TJP2: variants seen among roughly 807,000 people sequenced by gnomAD.
The protein encoded by TJP2 is tight junction protein 2.
Under a neutral mutation model 133.1 loss-of-function variants are expected in TJP2, and 91 were observed. The observed-to-expected ratio is 0.68, with a 90% CI of 0.58 to 0.81. TJP2 has a LOEUF of 0.81. TJP2 is among the 40% of genes least tolerant of loss of function. TJP2 has a pLI of 0.00. For synonymous variants in TJP2, 592 were observed against 583.4 expected, an observed-to-expected ratio of 1.01 and a Z score of -0.21; for missense variants, 1,541 against 1,565.6, an observed-to-expected ratio of 0.98 and a Z score of 0.26.
exon 2 of TJP2, chr9:69,151,665 C>T (rs900206397): frequency 8.9e-6 from 11 of 1,231,970 alleles, no homozygotes; most frequent in African/African-American, 1.6e-5. Flanking sequence ...CGAAGTACCA[C>T]ATTACTGTCA....
At chr9:69,193,927 T>C (rs528226906) in intron 1 of TJP2, among the ~76,000 whole-genome samples, 1 of 152,254 alleles carries the variant, frequency 6.6e-6, no homozygotes, top group South Asian at 2.1e-4. Flanking sequence ...GTCATTGTGC[T>C]AAGTATACCA....
chr9:69,183,354 A>G (rs1439971070), intron 1 of TJP2, among the ~76,000 whole-genome samples: 1 of 152,124 alleles, frequency 6.6e-6, no homozygotes, highest in African/African-American at 2.4e-5. Flanking sequence ...ACACCTACCT[A>G]AAAGAGAACT....
intron 1 of TJP2, among the ~76,000 whole-genome samples, chr9:69,179,036 G>A (rs537900742): frequency 2.0e-4 from 31 of 151,248 alleles, no homozygotes; most frequent in South Asian, 1.0e-3. Flanking sequence ...AAGGATTTTC[G>A]TAGGAACAGG....
In TJP2 at chr9:69,176,311, A is replaced by ACG. The variant is rs1414249302; in HGVS notation, c.60+1880_60+1881dup. 2.6e-5 allele frequency among the ~76,000 whole-genome samples: 4 copies of ACG among 152,014 alleles called. No homozygotes were observed. In the East Asian group the frequency reaches 7.7e-4, roughly 29 times the overall value. ...GAGTACAAGGCATGTGGTGGATGCTACGTAAATGGTGGTAGCTAGTAATAG... is the reference window on the plus strand; with the variant it reads ...GAGTACAAGGCATGTGGTGGATGCTACGCGTAAATGGTGGTAGCTAGTAATAG... On this transcript the variant is annotated intron_variant, in intron 1 of 22. Coordinates refer to ENST00000377245, the MANE Select transcript of TJP2 (RefSeq NM_004817.4).
intron 2 of TJP2, among the ~76,000 whole-genome samples, chr9:69,167,598 G>A (rs937750128): frequency 6.6e-6 from 1 of 152,188 alleles, no homozygotes; most frequent in Non-Finnish European, 1.5e-5. Context: ...GGTGGCTCAC[G>A]TCTGTAATCC....
intron 20 of TJP2, 139 bp from the exon 21 acceptor site, chr9:69,250,896 G>A: frequency 1.1e-6 from 1 of 934,904 alleles, no homozygotes; most frequent in South Asian, 1.3e-5. Flanking sequence ...TTGCCCTGCT[G>A]TATTACATTC....
At position 69,154,782 on chromosome 9, in the gene TJP2, T is replaced by TA. The variant is rs904337872; in HGVS notation, c.-10+3018dup. Among the ~76,000 whole-genome samples the TA allele has an allele frequency of 3.3e-5, 5 of 151,362 alleles. No homozygotes were observed. In the East Asian group the frequency reaches 7.8e-4, roughly 24 times the overall value. On this transcript the variant is annotated intron_variant, in intron 2 of 5. Transcript: ENST00000423935. ...TCTTTTTCAATTTTATAATTTTATA[T>TA]AAAAAAATTAATAAATAAAAATTAA...
At chr9:69,248,970 C>CA (rs56986564) in intron 19 of TJP2, 14,715 of 898,844 alleles carry the variant, frequency 0.016, 1 homozygote, top group East Asian at 0.025. Context: ...ATAGAACTAC[C>CA]AAAAAAAAAA....
intron 1 of TJP2, among the ~76,000 whole-genome samples, chr9:69,196,946 T>TACACACACAC (rs746386691): frequency 0.038 from 5,138 of 134,130 alleles, 101 homozygotes; most frequent in Middle Eastern, 0.047. Context: ...TGTGTGTGTG[T>TACACACACAC]ACACACACAC....
At chr9:69,195,014 C>T (rs975948827) in intron 1 of TJP2, among the ~76,000 whole-genome samples, 1 of 152,214 alleles carries the variant, frequency 6.6e-6, no homozygotes, top group East Asian at 1.9e-4. Flanking sequence ...GAACCATCAT[C>T]TGATGGTGCC....
chr9:69,155,187 C>G (rs1416616190), intron 2 of TJP2, among the ~76,000 whole-genome samples: 1 of 147,820 alleles, frequency 6.8e-6, no homozygotes, highest in Non-Finnish European at 1.5e-5. Flanking sequence ...CCACTTCACT[C>G]CAGCCTGGGT....
chr9:69,233,165 G>T (rs1286411699), intron 11 of TJP2, among the ~76,000 whole-genome samples: 1 of 152,150 alleles, frequency 6.6e-6, no homozygotes, highest in African/African-American at 2.4e-5. Flanking sequence ...TGTTTCAAAG[G>T]AAAAATTAAC....
At chr9:69,176,397 A>T (rs1825091463) in intron 1 of TJP2, among the ~76,000 whole-genome samples, 1 of 152,202 alleles carries the variant, frequency 6.6e-6, no homozygotes, top group Admixed American at 6.5e-5. Context: ...GGGAGGTGAG[A>T]TCTAAAGATA....
intron 1 of TJP2, among the ~76,000 whole-genome samples, chr9:69,143,400 C>T (rs924252868): frequency 6.6e-6 from 1 of 152,116 alleles, no homozygotes; most frequent in Non-Finnish European, 1.5e-5. Flanking sequence ...TTTTATCATG[C>T]GTCATCAGAA....
Position 69,130,015 on chromosome 9 carries a change from C to CA in TJP2, c.-131+8307dup, listed in dbSNP as rs11355311. ...GGGGGACAAGAGCGAAACTCTGCCTCAAAAAAAAAAAAAAAAAGAAAAAGA... is the reference window on the plus strand; with the variant it reads ...GGGGGACAAGAGCGAAACTCTGCCTCAAAAAAAAAAAAAAAAAAGAAAAAGA... On this transcript the variant is annotated intron_variant, in intron 1 of 5. Coordinates refer to the TJP2 transcript ENST00000423935. 1.5e-3 allele frequency among the ~76,000 whole-genome samples: 140 copies of CA among 94,134 alleles called. 2 individuals carry two copies. Among genetic ancestry groups the CA allele is most frequent in the Middle Eastern group, 4.6e-3 (1 of 216 alleles). The allele number at this position is 94,134 out of a possible 152,430, so 61.8% of individuals were successfully genotyped here.
chr9:69,174,887 G>A (rs939230664), intron 1 of TJP2, among the ~76,000 whole-genome samples: 2 of 149,572 alleles, frequency 1.3e-5, no homozygotes, highest in East Asian at 4.0e-4. Context: ...AATCAGCTGC[G>A]TCTGTAATAG....
chr9:69,147,953 T>TCTA (rs1823288536), intron 1 of TJP2, among the ~76,000 whole-genome samples: 1 of 151,150 alleles, frequency 6.6e-6, no homozygotes. Flanking sequence ...AGACAGTATT[T>TCTA]AGCTCTTGCT....
In TJP2 at chr9:69,127,155, T is replaced by C. The variant is rs573890318; in HGVS notation, c.-131+5430T>C. The stretch of plus-strand genomic sequence containing the variant: ...TGCGATCTCGGCTCACTGCAAGCTC[T>C]GCCTCCCGGGTTCACGCCATTCTCC... On this transcript the variant is annotated intron_variant, in intron 1 of 5. Transcript: ENST00000423935. Among the ~76,000 whole-genome samples the C allele has an allele frequency of 1.4e-3, 103 of 72,532 alleles. 39 individuals are homozygous for C. Among genetic ancestry groups the C allele is most frequent in the African/African-American group, 4.0e-3 (95 of 23,592 alleles). The allele number at this position is 72,532 out of a possible 152,430, so 47.6% of individuals were successfully genotyped here.
intron 1 of TJP2, among the ~76,000 whole-genome samples, chr9:69,138,335 G>T (rs1564373801): frequency 6.6e-6 from 1 of 152,134 alleles, no homozygotes; most frequent in Non-Finnish European, 1.5e-5. Context: ...GAGGGTGGAG[G>T]ATTTTCTTTT....
Sources: allele counts gnomAD v4.1 joint callset (sites outside exome capture counted in the v4.1 genomes callset), GRCh38; gene constraint gnomAD v4.1.1; transcripts MANE v1.5; gene names NCBI Gene and HGNC (gene_info 2026-07-23, HGNC 2026-07-21).